UBTD1: variants seen among roughly 807,000 people sequenced by gnomAD.
UBTD1 encodes the protein ubiquitin domain containing 1, also known as ubiquitin domain-containing protein 1.
UBTD1 carries 19 observed loss-of-function variants against 21.7 expected under a neutral mutation model. The observed-to-expected ratio is 0.87, with a 90% CI of 0.61 to 1.28. The LOEUF (loss-of-function observed/expected upper bound fraction) is 1.28. Among genes scored for constraint, UBTD1 ranks in the 50% most tolerant of loss-of-function variants. The probability of loss-of-function intolerance (pLI) is 0.00; values close to 1 mark genes in which losing one functional copy is unlikely to be tolerated. For synonymous variants in UBTD1, 116 were observed against 135.1 expected (o/e 0.86, Z 0.98); for missense variants, 282 against 315.1 (o/e 0.89, Z 0.80).
intron 1 of UBTD1, among the ~76,000 whole-genome samples, chr10:97,544,699 A>G (rs2040600770): frequency 6.6e-6 from 1 of 152,256 alleles, no homozygotes; most frequent in Non-Finnish European, 1.5e-5. Flanking sequence ...AATGTTATTA[A>G]GCAAATCATG....
chr10:97,553,502 C>T (rs867936488), intron 1 of UBTD1, among the ~76,000 whole-genome samples: 1 of 152,198 alleles, frequency 6.6e-6, no homozygotes, highest in East Asian at 1.9e-4. Context: ...GAAAAACTTC[C>T]TTTTCTGTGT....
At chr10:97,543,765 AT>A (rs1234113390) in intron 1 of UBTD1, among the ~76,000 whole-genome samples, 1 of 152,210 alleles carries the variant, frequency 6.6e-6, no homozygotes, top group African/African-American at 2.4e-5. Flanking sequence ...GCTTGCAAGA[AT>A]TAGGAACCAC....
rs1258712734 is a variant in UBTD1, at chr10:97,570,470, A to G, written c.631A>G (p.Lys211Glu). Residue 211 changes from lysine (K) to glutamate (E), a missense_variant, in exon 3 of 3, where the codon AAA (lysine) becomes GAA (glutamate). Physicochemically the swap from Lys to Glu is moderately conservative, Grantham distance 56. Transcript: ENST00000370664. This position sits in a 1 kb window ranked among gnomAD's most constrained non-coding sequence, Gnocchi z 6.6. ...RTRLQETKIQKDFVIQVIINQ... is the reference protein window; with the variant it reads ...RTRLQETKIQEDFVIQVIINQ... The stretch of plus-strand genomic sequence containing the variant: ...ACGGCTCCAGGAGACCAAGATCCAG[A>G]AAGATTTTGTCATCCAGGTCATCAT... The G allele has an allele frequency of 6.2e-7, 1 of 1,612,130 alleles. No homozygotes were observed.
intron 1 of UBTD1, among the ~76,000 whole-genome samples, chr10:97,523,944 G>C (rs1255450274): frequency 6.6e-6 from 1 of 152,156 alleles, no homozygotes; most frequent in South Asian, 2.1e-4. Flanking sequence ...CTGCCTCCGT[G>C]ACAGCCAGCA....
At chr10:97,529,357 G>T (rs529041583) in intron 1 of UBTD1, among the ~76,000 whole-genome samples, 2 of 152,218 alleles carry the variant, frequency 1.3e-5, no homozygotes, top group Non-Finnish European at 2.9e-5. Flanking sequence ...CTTCCCAGAC[G>T]GGGTAGCGGC....
At chr10:97,514,962 T>A (rs1469717926) in intron 1 of UBTD1, among the ~76,000 whole-genome samples, 16 of 152,220 alleles carry the variant, frequency 1.1e-4, no homozygotes, top group African/African-American at 3.9e-4. Flanking sequence ...TCTGGCCTCG[T>A]GCATAGGATC....
rs1412517507 is a variant in UBTD1, at chr10:97,528,613, G to A, written c.70+29340G>A. Among the ~76,000 whole-genome samples, 316 of 90,688 alleles carry A rather than the reference G, an allele frequency of 3.5e-3. 85 individuals carry two copies. The highest frequency in any genetic ancestry group is 6.3e-3 in the Admixed American group (65 of 10,366). 59.5% of individuals were successfully genotyped at this position (90,688 alleles called of 152,430 possible). ...TCCCTCCCGAACGGGGCGGCTGGCC[G>A]GGCGGGGGGCTGAACCCCCACCTCC... On this transcript the variant is annotated intron_variant, in intron 1 of 2. Transcript: ENST00000370664.
At chr10:97,524,286 C>T (rs11189256) in intron 1 of UBTD1, among the ~76,000 whole-genome samples, 20 of 106,394 alleles carry the variant, frequency 1.9e-4, no homozygotes, top group Admixed American at 3.6e-4. Context: ...TGTAGGGATG[C>T]GGGGGGGTCT....
At chr10:97,551,236 T>C (rs2040635984) in intron 1 of UBTD1, among the ~76,000 whole-genome samples, 1 of 152,170 alleles carries the variant, frequency 6.6e-6, no homozygotes, top group African/African-American at 2.4e-5. Context: ...ATACATTCTC[T>C]GCTCAATCAC....
intron 1 of UBTD1, among the ~76,000 whole-genome samples, chr10:97,561,534 G>A (rs570725360): frequency 1.2e-4 from 19 of 152,220 alleles, no homozygotes; most frequent in Middle Eastern, 3.4e-3. Context: ...ATGTGACAGG[G>A]GATGCATGCA....
At chr10:97,548,444 G>A (rs566215511) in intron 1 of UBTD1, among the ~76,000 whole-genome samples, 61 of 152,308 alleles carry the variant, frequency 4.0e-4, no homozygotes, top group African/African-American at 1.4e-3. Flanking sequence ...TGCTTGTGAA[G>A]TATAGTATTC....
intron 1 of UBTD1, among the ~76,000 whole-genome samples, chr10:97,501,414 C>A (rs752072879): frequency 6.6e-6 from 1 of 152,184 alleles, no homozygotes; most frequent in Non-Finnish European, 1.5e-5. Context: ...TGGCAAAACC[C>A]TGTCTCTACT....
At chr10:97,547,809 C>T (rs1480655307) in intron 1 of UBTD1, among the ~76,000 whole-genome samples, 1 of 152,234 alleles carries the variant, frequency 6.6e-6, no homozygotes, top group Non-Finnish European at 1.5e-5. Flanking sequence ...AGTTGATCCA[C>T]CTGCCTTGGC....
chr10:97,563,565 C>G (rs2040703406), intron 1 of UBTD1, among the ~76,000 whole-genome samples: 1 of 152,038 alleles, frequency 6.6e-6, no homozygotes, highest in Non-Finnish European at 1.5e-5. Flanking sequence ...AAAAAAGGGA[C>G]TTCATCAGAG....
chr10:97,525,067 A>G (rs947993102), intron 1 of UBTD1, among the ~76,000 whole-genome samples: 10 of 151,462 alleles, frequency 6.6e-5, no homozygotes, highest in Admixed American at 6.6e-4. Context: ...GTGCTGAGAG[A>G]AGAATATGCC....
At chr10:97,528,730 C>A (rs1452615090) in intron 1 of UBTD1, among the ~76,000 whole-genome samples, 2 of 85,692 alleles carry the variant, frequency 2.3e-5, no homozygotes, top group Non-Finnish European at 5.0e-5. Flanking sequence ...GCTGACCCCC[C>A]CCACCTCCCT....
chr10:97,570,302 C>T lies in UBTD1; in HGVS notation c.463C>T (p.Leu155=). 6.2e-7 allele frequency: 1 copy of T among 1,613,258 alleles called. No homozygotes were observed. Among genetic ancestry groups the T allele is most frequent in the Non-Finnish European group, 8.5e-7 (1 of 1,179,984 alleles). Residue 155 remains leucine, a synonymous_variant, in exon 3 of 3, where the codon CTG becomes TTG. Coordinates refer to ENST00000370664, the MANE Select transcript of UBTD1 (RefSeq NM_024954.5). This position sits in a 1 kb window ranked among gnomAD's most constrained non-coding sequence, Gnocchi z 6.6. ...CCGTGAGTTCCCGCTGAAGGTGCGC[C>T]TGTCCACGGGCAAGGACGTGAGGCT... ...VRREFPLKVR[L]STGKDVRLSA... is the part of the protein sequence containing the mutation.
At chr10:97,547,623 G>A (rs930470905) in intron 1 of UBTD1, among the ~76,000 whole-genome samples, 1 of 152,018 alleles carries the variant, frequency 6.6e-6, no homozygotes, top group Non-Finnish European at 1.5e-5. Flanking sequence ...GGAGTGCAGT[G>A]GCGTGATCTT....
chr10:97,537,923 T>C (rs948381274), intron 1 of UBTD1, among the ~76,000 whole-genome samples: 3 of 151,430 alleles, frequency 2.0e-5, no homozygotes, highest in Admixed American at 6.6e-5. Context: ...CCTCCCAGGT[T>C]CAAGCGATTC....
Sources: gnomAD v4.1 joint callset for allele counts (sites outside exome capture counted in the v4.1 genomes callset) on GRCh38, gnomAD v4.1.1 for gene constraint, Gnocchi (gnomAD v3.1) non-coding constraint, MANE v1.5 for transcripts, NCBI Gene and HGNC (gene_info 2026-07-23, HGNC 2026-07-21) for gene names.